SNX1: variants seen among roughly 807,000 people sequenced by gnomAD.
SNX1 encodes sorting nexin-1.
In SNX1, 36 loss-of-function variants were observed where a neutral mutation model predicts 71.8. The observed-to-expected ratio is 0.50, with a 90% CI of 0.38 to 0.66. SNX1 has a LOEUF of 0.66. Ranked by LOEUF, SNX1 falls within the 30% of genes least tolerant of loss-of-function variation. The probability of loss-of-function intolerance (pLI) is 0.00; values close to 1 mark genes in which losing one functional copy is unlikely to be tolerated. For synonymous variants in SNX1, 254 were observed against 240.7 expected, an observed-to-expected ratio of 1.06 and a Z score of -0.51; for missense variants, 612 against 646.7, an observed-to-expected ratio of 0.95 and a Z score of 0.58.
At chr15:64,106,824 A>G (rs2081027412) in intron 1 of SNX1, among the ~76,000 whole-genome samples, 1 of 152,354 alleles carries the variant, frequency 6.6e-6, no homozygotes, top group African/African-American at 2.4e-5. Context: ...GAACCTCCAG[A>G]AAGGAACACA....
chr15:64,112,220 G>A (rs1448997896), intron 1 of SNX1, among the ~76,000 whole-genome samples: 2 of 152,174 alleles, frequency 1.3e-5, no homozygotes, highest in African/African-American at 2.4e-5. Flanking sequence ...CTGGTCACTA[G>A]AATGTGCACA....
chr15:64,143,731 C>T lies in SNX1; in HGVS notation c.*6113C>T, dbSNP rs1461593311. On this transcript the variant is annotated 3_prime_UTR_variant, in exon 15 of 15. Transcript: ENST00000559844. ...TCTGAAGCAGGCATTTTCCAATGCC[C>T]TAGATGGGAATATAAGTGTAAGGAG... 2 of 152,174 alleles carry T rather than the reference C, an allele frequency of 1.3e-5. No homozygotes were observed. The highest frequency in any genetic ancestry group is 4.8e-5 in the African/African-American group (2 of 41,432). 9.4% of individuals were successfully genotyped at this position (152,174 alleles called of 1,614,324 possible).
chr15:64,115,409 A>C (rs1406499042), intron 2 of SNX1, among the ~76,000 whole-genome samples: 1 of 151,970 alleles, frequency 6.6e-6, no homozygotes, highest in Non-Finnish European at 1.5e-5. Flanking sequence ...TCATTTTTAA[A>C]TAATAAATCT....
intron 1 of SNX1, among the ~76,000 whole-genome samples, chr15:64,101,873 C>T (rs2140130111): frequency 6.6e-6 from 1 of 152,262 alleles, no homozygotes; most frequent in East Asian, 1.9e-4. Flanking sequence ...TTTCAAAAAG[C>T]TTTCTGAAAG....
chr15:64,138,325 C>CA lies in SNX1; in HGVS notation c.*707_*708insA. 5 of 550,454 alleles carry CA rather than the reference C, an allele frequency of 9.1e-6. No individual in the cohort carries two copies. Among genetic ancestry groups the CA allele is most frequent in the Non-Finnish European group, 1.2e-5 (4 of 347,340 alleles). 34.1% of individuals were successfully genotyped at this position (550,454 alleles called of 1,614,324 possible). A position where few individuals can be genotyped will look rare whatever the true frequency, so the allele number is the denominator to read the frequency against. On this transcript the variant is annotated 3_prime_UTR_variant, in exon 15 of 15. Transcript: ENST00000559844. The stretch of plus-strand genomic sequence containing the variant: ...AAGGAGGCAGAGACTTTCTCTCTCT[C>CA]TTTTTTTTTTTTTTTTGGTGTCCCT...
chr15:64,130,712 T>C (rs2081297995), intron 10 of SNX1, among the ~76,000 whole-genome samples: 1 of 152,222 alleles, frequency 6.6e-6, no homozygotes. Context: ...CATCTCTCTT[T>C]AGTGAAATTT....
chr15:64,104,826 A>G (rs1016031851), intron 1 of SNX1, among the ~76,000 whole-genome samples: 2 of 151,086 alleles, frequency 1.3e-5, no homozygotes, highest in South Asian at 4.2e-4. Flanking sequence ...CAGAGGTTGC[A>G]GTGAGCTGAG....
intron 1 of SNX1, among the ~76,000 whole-genome samples, chr15:64,106,063 A>T (rs1409142305): frequency 6.6e-6 from 1 of 152,216 alleles, no homozygotes; most frequent in African/African-American, 2.4e-5. Flanking sequence ...TTAATAACAT[A>T]CTTAAATAGA....
In SNX1 at chr15:64,134,848, G is replaced by A; in HGVS notation, c.1365+41G>A. On this transcript the variant is annotated intron_variant, in intron 12 of 14. Coordinates refer to ENST00000559844, the MANE Select transcript of SNX1 (RefSeq NM_003099.5). This position sits in a 1 kb window ranked among gnomAD's most constrained non-coding sequence, Gnocchi z 4.1. ...CAGCCCAGCCAGGGGTGTTCTGCTG[G>A]TTCCAAATGAACCCAGGGCCCATCC... is the stretch of plus-strand genomic sequence containing the variant. The A allele has an allele frequency of 6.2e-7, 1 of 1,609,444 alleles. No individual in the cohort carries two copies. The highest frequency in any genetic ancestry group is 2.2e-5 in the East Asian group (1 of 44,662).
In SNX1 at chr15:64,134,804, C is replaced by G; in HGVS notation, c.1362C>G (p.Leu454=). 6.2e-7 allele frequency: 1 copy of G among 1,613,816 alleles called. No homozygotes were observed. Among genetic ancestry groups the G allele is most frequent in the Non-Finnish European group, 8.5e-7 (1 of 1,179,998 alleles). ...TGCAGCAGGCCAAGGACGAGATCCT[C>G]GAGGTGAGTCCACTGAGGCAGCCCA... is the stretch of plus-strand genomic sequence containing the variant. ...DKLQQAKDEI[L]EWESRVTQYE... The change falls in exon 12 of 15, where the codon CTC becomes CTG. Residue 454 remains leucine (L), a synonymous_variant. Transcript: ENST00000559844. The surrounding 1 kb of genome is among the most constrained non-coding windows in gnomAD (Gnocchi z 4.1).
At chr15:64,110,104 T>C (rs1266737411) in intron 1 of SNX1, among the ~76,000 whole-genome samples, 4 of 152,208 alleles carry the variant, frequency 2.6e-5, no homozygotes, top group Non-Finnish European at 2.9e-5. Context: ...GTTCAGTAAC[T>C]AAAAGTGGGA....
rs772549297 is a variant in SNX1, at chr15:64,096,043, T to C, written c.30T>C (p.Ala10=). ...CGTCGGGTGGTGGTGGCTGTAGCGC[T>C]TCGGAGAGACTGCCTCCGCCCTTCC... MASGGGGCS[A]SERLPPPFPG... The change falls in exon 1 of 15, where the codon GCT becomes GCC. Residue 10 remains alanine, a synonymous_variant. Coordinates refer to ENST00000559844, the MANE Select transcript of SNX1 (RefSeq NM_003099.5). 1.6e-5 allele frequency: 26 copies of C among 1,594,118 alleles called. No individual in the cohort carries two copies. The highest frequency in any genetic ancestry group is 2.1e-5 in the Non-Finnish European group (25 of 1,174,382).
intron 1 of SNX1, among the ~76,000 whole-genome samples, chr15:64,107,918 G>T (rs961106093): frequency 9.2e-5 from 14 of 152,140 alleles, no homozygotes; most frequent in African/African-American, 3.1e-4. Context: ...TATTGGCCGG[G>T]CGCAGTGGCT....
chr15:64,112,426 G>T, intron 1 of SNX1, 147 bp from the exon 2 acceptor site: 1 of 571,790 alleles, frequency 1.7e-6, no homozygotes, highest in Non-Finnish European at 3.1e-6. Flanking sequence ...CATGACTTGG[G>T]CAGCACTTAT....
rs2081087982 is a variant in SNX1, at chr15:64,112,618, A to G, written c.205A>G (p.Asn69Asp). 6.2e-7 allele frequency: 1 copy of G among 1,613,664 alleles called. No homozygotes were observed. Among genetic ancestry groups the G allele is most frequent in the Non-Finnish European group, 8.5e-7 (1 of 1,179,708 alleles). The part of the protein sequence containing the change: ...PKITTSLLPI[N>D]NGSKENGIHE... ...GATAACTACATCCCTTCTTCCCATC[A>G]ACAATGGCTCCAAAGAAAATGGGAT... is the stretch of plus-strand genomic sequence containing the variant. Residue 69 changes from asparagine to aspartate, a missense_variant, in exon 2 of 15, where the codon AAC becomes GAC. Around this residue, in one of 2 missense-constraint regions of SNX1, gnomAD observed 316 missense variants for 284.9 expected, o/e 1.11. Coordinates refer to ENST00000559844, the MANE Select transcript of SNX1 (RefSeq NM_003099.5).
chr15:64,120,718 G>A (rs770074332), intron 4 of SNX1, among the ~76,000 whole-genome samples: 1 of 152,112 alleles, frequency 6.6e-6, no homozygotes, highest in African/African-American at 2.4e-5. Context: ...GTACATGCCT[G>A]TAGTCCCACG....
chr15:64,124,518 A>G (rs1260184928), intron 5 of SNX1, among the ~76,000 whole-genome samples: 2 of 151,820 alleles, frequency 1.3e-5, no homozygotes, highest in Admixed American at 1.3e-4. Context: ...AAAAAAAAAA[A>G]AAAAAAATAG....
intron 4 of SNX1, among the ~76,000 whole-genome samples, chr15:64,123,052 G>A (rs2081212116): frequency 6.6e-6 from 1 of 152,166 alleles, no homozygotes; most frequent in Non-Finnish European, 1.5e-5. Context: ...CGAGCCCAGA[G>A]CTAGCCTAGG....
intron 4 of SNX1, among the ~76,000 whole-genome samples, chr15:64,120,288 T>C (rs1484076874): frequency 2.8e-5 from 4 of 141,908 alleles, no homozygotes; most frequent in African/African-American, 1.1e-4. Flanking sequence ...TTTTTTTTTT[T>C]TGAGACGGGG....
Sources: allele counts gnomAD v4.1 joint callset (sites outside exome capture counted in the v4.1 genomes callset), GRCh38; gene constraint gnomAD v4.1.1; regional missense constraint gnomAD v4.1.1; non-coding constraint Gnocchi (gnomAD v3.1); transcripts MANE v1.5; gene names NCBI Gene and HGNC (gene_info 2026-07-23, HGNC 2026-07-21).